NAA38: variants seen among roughly 807,000 people sequenced by gnomAD.
The protein encoded by NAA38 is N-alpha-acetyltransferase 38, NatC auxiliary subunit.
NAA38 carries 15 observed loss-of-function variants against 12.6 expected under a neutral mutation model. The observed-to-expected ratio is 1.19, with a 90% CI of 0.79 to 1.83. The LOEUF is 1.83. Among genes scored for constraint, NAA38 ranks in the 40% most tolerant of loss-of-function variants. NAA38 has a pLI of 0.00. For synonymous variants in NAA38, 88 were observed against 69.9 expected (o/e 1.26, Z -1.29); for missense variants, 183 against 171.7 (o/e 1.07, Z -0.37).
At chr17:7,880,295 A>AAGAGAGGG (rs199582336) in intron 2 of NAA38, among the ~76,000 whole-genome samples, 3,303 of 152,128 alleles carry the variant, frequency 0.022, 53 homozygotes, top group Middle Eastern at 0.085. Flanking sequence ...AAAGAGAAGT[A>AAGAGAGGG]AGAGAGGGAA....
chr17:7,858,331 G>A (rs2078850446), upstream of NAA38: 2 of 1,613,904 alleles, frequency 1.2e-6, no homozygotes, highest in Non-Finnish European at 1.7e-6. Context: ...CGGAGTGTGT[G>A]TGTGTGCACG....
At chr17:7,866,437 TAA>T in intron 3 of NAA38, 1 of 1,226,832 alleles carries the variant, frequency 8.2e-7, no homozygotes, top group Non-Finnish European at 1.0e-6. Flanking sequence ...GTTCCCATGT[TAA>T]AAGTCTTCAA....
chr17:7,880,333 A>T (rs1358890674), intron 2 of NAA38, among the ~76,000 whole-genome samples: 2 of 151,246 alleles, frequency 1.3e-5, no homozygotes, highest in Admixed American at 1.3e-4. Flanking sequence ...AGACACAAAG[A>T]TAGAGGCTGA....
rs1238248854 is a variant in NAA38, at chr17:7,857,395, G to A, written c.69C>T (p.Ser23=). The A allele has an allele frequency of 3.1e-6, 5 of 1,608,632 alleles. No individual in the cohort carries two copies. The highest frequency in any genetic ancestry group is 1.3e-5 in the African/African-American group (1 of 74,468). The change falls in exon 1 of 3, where the codon AGC becomes AGT. Residue 23 remains serine (S), a synonymous_variant. Coordinates refer to ENST00000575771, the MANE Select transcript of NAA38 (RefSeq NM_001320925.4). ...AGCCCGTGCTAACCCCAGCACTGGA[G>A]CTGCTCTGACGCCGACTGCAACAGC... ...ENGCCSRRQS[S]SSAGDSDGER...
At chr17:7,870,533 G>A (rs1967067698) in intron 2 of NAA38, among the ~76,000 whole-genome samples, 2 of 152,146 alleles carry the variant, frequency 1.3e-5, no homozygotes, top group South Asian at 2.1e-4. Flanking sequence ...ATTAGGTACT[G>A]GAGGTACAGA....
chr17:7,872,742 CAAAT>C (rs1308506135), intron 2 of NAA38, among the ~76,000 whole-genome samples: 1 of 152,234 alleles, frequency 6.6e-6, no homozygotes, highest in African/African-American at 2.4e-5. Flanking sequence ...TATATTTTCA[CAAAT>C]AGTTTTCCAT....
rs564740460 is a variant in NAA38, at chr17:7,873,527, G to A, written c.-65-6969C>T. 3.3e-5 allele frequency among the ~76,000 whole-genome samples: 5 copies of A among 152,302 alleles called. No individual in the cohort carries two copies. The South Asian group carries it at 1.0e-3, about 32-fold the overall frequency. ...ATGGACACAGTGCGGTAAGGTGGCA[G>A]CTAAAGGGGTCCAGAGTATTTCTTT... On this transcript the variant is annotated intron_variant, in intron 2 of 4. Coordinates refer to the NAA38 transcript ENST00000576861.
chr17:7,872,085 C>G (rs532497833), intron 2 of NAA38, among the ~76,000 whole-genome samples: 3 of 152,290 alleles, frequency 2.0e-5, no homozygotes, highest in African/African-American at 7.2e-5. Context: ...TCTCTGAGCT[C>G]TATTAGAGCA....
chr17:7,879,017 GTATAC>G (rs1967224601), intron 2 of NAA38, among the ~76,000 whole-genome samples: 1 of 150,822 alleles, frequency 6.6e-6, no homozygotes, highest in African/African-American at 2.4e-5. Flanking sequence ...TAAATATACT[GTATAC>G]TATATTTATT....
upstream of NAA38, chr17:7,859,419 G>A (rs755083528): frequency 8.1e-6 from 13 of 1,614,096 alleles, no homozygotes; most frequent in African/African-American, 2.7e-5. Context: ...ATCCTACACC[G>A]CTATCTCCCC....
intron 2 of NAA38, among the ~76,000 whole-genome samples, chr17:7,878,775 A>G (rs1967220130): frequency 6.6e-6 from 1 of 152,182 alleles, no homozygotes; most frequent in African/African-American, 2.4e-5. Context: ...TTATAAAAGA[A>G]GTACATGTTG....
At chr17:7,858,745 A>G (rs142593554), upstream of NAA38, 16 of 1,603,356 alleles carry the variant, frequency 1.0e-5, no homozygotes, top group African/African-American at 2.0e-4. Context: ...GGGTCGTATT[A>G]TGAGGTGGGG....
intron 3 of NAA38, chr17:7,864,941 G>A (rs958534350): frequency 6.6e-6 from 1 of 151,952 alleles, no homozygotes; most frequent in African/African-American, 2.4e-5. Flanking sequence ...TTTGTGTTAG[G>A]TACTTGTGTG....
chr17:7,857,280 G>A (rs201706296), intron 1 of NAA38, 82 bp from the exon 2 acceptor site: 16 of 1,610,406 alleles, frequency 9.9e-6, no homozygotes, highest in Non-Finnish European at 9.3e-6. Flanking sequence ...AGCCCGCGGG[G>A]CACTCACACA....
upstream of NAA38, chr17:7,857,652 A>G: frequency 2.2e-6 from 3 of 1,346,496 alleles, no homozygotes; most frequent in Non-Finnish European, 2.8e-6. Flanking sequence ...GGCTCACTGA[A>G]GCGTACTACG....
intron 2 of NAA38, among the ~76,000 whole-genome samples, chr17:7,881,851 TAGAG>T (rs551499066): frequency 1.4e-5 from 2 of 147,804 alleles, no homozygotes; most frequent in Admixed American, 6.7e-5. Context: ...GACAGATGGC[TAGAG>T]AGAGAGTGGT....
upstream of NAA38, chr17:7,857,862 C>T (rs1019994606): frequency 8.0e-6 from 11 of 1,380,784 alleles, no homozygotes; most frequent in Admixed American, 6.0e-5. Flanking sequence ...TGCCCCACCC[C>T]GCAACTCCTG....
intron 2 of NAA38, among the ~76,000 whole-genome samples, chr17:7,879,825 G>A (rs969955256): frequency 1.3e-5 from 2 of 151,920 alleles, no homozygotes; most frequent in Non-Finnish European, 2.9e-5. Context: ...AAGGCCTAAC[G>A]ACAGAGAGAC....
chr17:7,856,906 C>T, intron 2 of NAA38, 63 bp from the exon 3 acceptor site: 1 of 1,592,982 alleles, frequency 6.3e-7, no homozygotes, highest in Non-Finnish European at 8.6e-7. Context: ...CTCTGAGCCA[C>T]GAAAACGAGC....
Sources: gnomAD v4.1 joint callset for allele counts (sites outside exome capture counted in the v4.1 genomes callset) on GRCh38, gnomAD v4.1.1 for gene constraint, MANE v1.5 for transcripts, NCBI Gene and HGNC (gene_info 2026-07-23, HGNC 2026-07-21) for gene names.